Variants in AADAC observed in about 807,000 individuals in gnomAD.
AADAC encodes the protein arylacetamide deacetylase.
Under a neutral mutation model 22.7 loss-of-function variants are expected in AADAC, and 17 were observed. The observed-to-expected ratio is 0.75, with a 90% CI of 0.51 to 1.12. The LOEUF (loss-of-function observed/expected upper bound fraction) is 1.12, where lower values mean the gene tolerates loss of function less well. Ranked by LOEUF, AADAC falls within the 50% of genes most tolerant of loss-of-function variation. AADAC has a pLI of 0.00. For missense variants in AADAC, 465 were observed against 473.9 expected (o/e 0.98, Z 0.17); for synonymous variants, 167 against 176.3 (o/e 0.95, Z 0.42).
chr3:151,814,785 C>T (rs1327023124), intron 1 of AADAC, among the ~76,000 whole-genome samples: 1 of 151,936 alleles, frequency 6.6e-6, no homozygotes, highest in African/African-American at 2.4e-5. Flanking sequence ...CTAGGGTTAA[C>T]CACGAGACGG....
chr3:151,828,298 CA>C lies in AADAC; in HGVS notation c.*127del, dbSNP rs1289549577. The C allele has an allele frequency of 6.3e-6, 3 of 479,716 alleles. No individual in the cohort carries two copies. Among genetic ancestry groups the C allele is most frequent in the Non-Finnish European group, 1.0e-5 (3 of 292,444 alleles). 29.7% of individuals were successfully genotyped at this position (479,716 alleles called of 1,614,324 possible). On this transcript the variant is annotated 3_prime_UTR_variant, in exon 5 of 5. Transcript: ENST00000232892. The stretch of plus-strand genomic sequence containing the variant: ...ACATGTAGCATAATTCTTAAATAGG[CA>C]CTTTTCTGTTTTTTTTTTCTTACTG...
At chr3:151,820,512 CTTTCT>C in intron 3 of AADAC, 60 bp downstream of exon 3, 1 of 615,066 alleles carries the variant, frequency 1.6e-6, no homozygotes. Context: ...ATTTTCTCAG[CTTTCT>C]TTTTTTTTTT....
At chr3:151,817,923 TG>T (rs1716061003) in intron 2 of AADAC, among the ~76,000 whole-genome samples, 1 of 152,054 alleles carries the variant, frequency 6.6e-6, no homozygotes, top group Non-Finnish European at 1.5e-5. Flanking sequence ...ACTATATGTC[TG>T]GTAATATTTT....
intron 1 of AADAC, among the ~76,000 whole-genome samples, chr3:151,816,801 C>A (rs2166264): frequency 0.53 from 80,640 of 151,494 alleles, 21,848 homozygotes; most frequent in Middle Eastern, 0.55. Context: ...AGAATGGTGG[C>A]TTGGCCAAAA....
chr3:151,826,778 T>G (rs1716514090), intron 4 of AADAC, among the ~76,000 whole-genome samples: 1 of 152,022 alleles, frequency 6.6e-6, no homozygotes, highest in Non-Finnish European at 1.5e-5. Flanking sequence ...AAGATGATGT[T>G]AATAGACCAT....
Position 151,827,830 on chromosome 3 carries a change from G to T in AADAC, c.858G>T (p.Leu286=). 1 of 1,613,226 alleles carries T rather than the reference G, an allele frequency of 6.2e-7. No individual in the cohort carries two copies. ...TCAAATTTGTTAATTGGAGTTCCCT[G>T]CTCCCTGAGAGGTTTATAAAAGGAC... ...HLFKFVNWSS[L]LPERFIKGHV... Residue 286 remains leucine, a synonymous_variant, in exon 5 of 5, where the codon CTG becomes CTT. Transcript: ENST00000232892.
At chr3:151,818,274 C>CTGTCTTCT (rs1716084950) in intron 2 of AADAC, among the ~76,000 whole-genome samples, 1 of 151,452 alleles carries the variant, frequency 6.6e-6, no homozygotes, top group Non-Finnish European at 1.5e-5. Context: ...TCCTGTCTTC[C>CTGTCTTCT]TGTATTCTTG....
chr3:151,815,532 A>AT (rs931559463), intron 1 of AADAC, among the ~76,000 whole-genome samples: 2 of 151,714 alleles, frequency 1.3e-5, no homozygotes, highest in African/African-American at 2.4e-5. Context: ...AAAGGGACAC[A>AT]TTTTTTTCCC....
chr3:151,825,001 T>C (rs1432789723), intron 4 of AADAC, 167 bp downstream of exon 4: 3 of 509,578 alleles, frequency 5.9e-6, no homozygotes, highest in Admixed American at 4.3e-5. Flanking sequence ...TAAAACATTA[T>C]AATATCAATC....
At chr3:151,819,426 A>C (rs2108028543) in intron 2 of AADAC, among the ~76,000 whole-genome samples, 1 of 152,162 alleles carries the variant, frequency 6.6e-6, no homozygotes, top group South Asian at 2.1e-4. Flanking sequence ...ATTCACAGAG[A>C]AACACATTAC....
chr3:151,814,269 T>A lies in AADAC; in HGVS notation c.107T>A (p.Ile36Lys). 1.2e-6 allele frequency: 2 copies of A among 1,613,268 alleles called. No individual in the cohort carries two copies. Among genetic ancestry groups the A allele is most frequent in the East Asian group, 4.5e-5 (2 of 44,856 alleles). Residue 36 changes from isoleucine to lysine, a missense_variant, in exon 1 of 5, where the codon ATA (isoleucine) becomes AAA (lysine). Transcript: ENST00000232892. ...NVEEPWRMMWINAHLKTIQNL... is the reference protein window; with the variant it reads ...NVEEPWRMMWKNAHLKTIQNL... ...GAGGAGCCATGGAGAATGATGTGGA[T>A]AAACGCACATCTGAAAACTATACAA...
intron 2 of AADAC, among the ~76,000 whole-genome samples, chr3:151,819,268 G>A (rs1025123722): frequency 2.0e-5 from 3 of 151,858 alleles, no homozygotes; most frequent in Admixed American, 6.6e-5. Context: ...AAAGAAAGCC[G>A]AAGAAGGTGA....
Position 151,814,263 on chromosome 3 carries a change from T to G in AADAC, c.101T>G (p.Met34Arg), listed in dbSNP as rs748240373. The change falls in exon 1 of 5, where the codon ATG becomes AGG. Residue 34 changes from methionine to arginine, a missense_variant. By Grantham distance (91) the Met-to-Arg change is moderately conservative. Transcript: ENST00000232892. ...AACGTTGAGGAGCCATGGAGAATGA[T>G]GTGGATAAACGCACATCTGAAAACT... ...PDNVEEPWRM[M>R]WINAHLKTIQ... 2 of 1,613,314 alleles carry G rather than the reference T, an allele frequency of 1.2e-6. No individual in the cohort carries two copies. The highest frequency in any genetic ancestry group is 1.3e-5 in the African/African-American group (1 of 74,894).
At chr3:151,816,074 T>C (rs1715977782) in intron 1 of AADAC, among the ~76,000 whole-genome samples, 1 of 152,076 alleles carries the variant, frequency 6.6e-6, no homozygotes, top group African/African-American at 2.4e-5. Context: ...TCCTCCCATA[T>C]AAGCAAGTTG....
At chr3:151,815,842 T>C (rs1254077466) in intron 1 of AADAC, among the ~76,000 whole-genome samples, 1 of 151,994 alleles carries the variant, frequency 6.6e-6, no homozygotes, top group African/African-American at 2.4e-5. Flanking sequence ...TTTGTCCCTT[T>C]TTTCCTGATT....
intron 3 of AADAC, among the ~76,000 whole-genome samples, chr3:151,821,447 T>C (rs930416201): frequency 2.0e-5 from 3 of 151,972 alleles, no homozygotes; most frequent in Admixed American, 6.6e-5. Context: ...GAGCAGTATA[T>C]ATTTAAATTG....
At position 151,817,534 on chromosome 3, in the gene AADAC, C is replaced by T; in HGVS notation, c.307C>T (p.Leu103=). The T allele has an allele frequency of 6.2e-7, 1 of 1,613,810 alleles. No individual in the cohort carries two copies. Among genetic ancestry groups the T allele is most frequent in the Non-Finnish European group, 8.5e-7 (1 of 1,179,764 alleles). ...VYVPKRKSEA[L]RRGLFYIHGG... ...TGTGCCAAAGAGAAAGTCTGAAGCA[C>T]TAAGAAGGGGGTTGTTTTACATCCA... Residue 103 remains leucine, a synonymous_variant, in exon 2 of 5, where the codon CTA becomes TTA. Coordinates refer to ENST00000232892, the MANE Select transcript of AADAC (RefSeq NM_001086.3).
intron 3 of AADAC, among the ~76,000 whole-genome samples, chr3:151,822,024 A>T (rs981388741): frequency 2.0e-5 from 3 of 151,950 alleles, no homozygotes; most frequent in Admixed American, 2.0e-4. Flanking sequence ...ATTAAAAGAT[A>T]GATAATTTTG....
At chr3:151,824,917 G>T in intron 4 of AADAC, 83 bp downstream of exon 4, 1 of 1,120,874 alleles carries the variant, frequency 8.9e-7, no homozygotes, top group Non-Finnish European at 1.2e-6. Flanking sequence ...TTGAATGCAT[G>T]TATTAAAATA....
Sources: allele counts gnomAD v4.1 joint callset (sites outside exome capture counted in the v4.1 genomes callset), GRCh38; gene constraint gnomAD v4.1.1; transcripts MANE v1.5; gene names NCBI Gene and HGNC (gene_info 2026-07-23, HGNC 2026-07-21).